Variants in PYGO1 observed in about 807,000 individuals in gnomAD.
PYGO1 encodes pygopus homolog 1.
A neutral mutation model predicts 29.5 loss-of-function variants in PYGO1; 6 were observed. The ratio of observed to expected loss-of-function variants is 0.20; its 90% CI spans 0.11 to 0.40. The LOEUF (loss-of-function observed/expected upper bound fraction) is 0.40. Ranked by LOEUF, PYGO1 falls within the 10% of genes least tolerant of loss-of-function variation. The pLI, the probability that PYGO1 is intolerant of heterozygous loss-of-function variation, is 1.00. For missense variants in PYGO1, 515 were observed against 514.9 expected (o/e 1.00, Z 0.00); for synonymous variants, 186 against 180.5 (o/e 1.03, Z -0.24).
Position 55,555,803 on chromosome 15 carries a change from C to T in PYGO1, c.50-6808G>A, listed in dbSNP as rs182654890. 2.3e-3 allele frequency among the ~76,000 whole-genome samples: 346 copies of T among 152,030 alleles called. 1 individual carries two copies. Among genetic ancestry groups the T allele is most frequent in the African/African-American group, 8.1e-3 (335 of 41,466 alleles). On this transcript the variant is annotated intron_variant, in intron 1 of 2. Transcript: ENST00000563719. ...AAGACACACCTCACAGGCAAAGACACACATAGGCTCAAAATAAAAGGAGGG... is the reference window on the plus strand; with the variant it reads ...AAGACACACCTCACAGGCAAAGACATACATAGGCTCAAAATAAAAGGAGGG...
At chr15:55,565,593 T>C (rs1335323772) in intron 1 of PYGO1, among the ~76,000 whole-genome samples, 2 of 151,514 alleles carry the variant, frequency 1.3e-5, no homozygotes, top group Non-Finnish European at 2.9e-5. Context: ...CGGGCACCTG[T>C]AGTCCCAGCT....
chr15:55,552,641 C>A (rs894973496), intron 1 of PYGO1, among the ~76,000 whole-genome samples: 2 of 152,038 alleles, frequency 1.3e-5, no homozygotes, highest in African/African-American at 4.8e-5. Flanking sequence ...ACACTTCTCC[C>A]ACAGATCTTT....
In PYGO1 at chr15:55,539,490, T is replaced by G. The variant is rs2058820201; in HGVS notation, c.*6533A>C. 2 of 152,104 alleles carry G rather than the reference T, an allele frequency of 1.3e-5. No individual in the cohort carries two copies. Among genetic ancestry groups the G allele is most frequent in the Non-Finnish European group, 2.9e-5 (2 of 67,958 alleles). 9.4% of individuals were successfully genotyped at this position (152,104 alleles called of 1,614,324 possible). A position where few individuals can be genotyped will look rare whatever the true frequency, so the allele number is the denominator to read the frequency against. ...CTAGTCATTTCATACTTTATTTAAA[T>G]TTTTCCACAAAGCAGTTCATGAATT... On this transcript the variant is annotated 3_prime_UTR_variant, in exon 3 of 3. Transcript: ENST00000563719.
chr15:55,542,610 T>C lies in PYGO1; in HGVS notation c.*3413A>G, dbSNP rs1459987689. The C allele has an allele frequency of 6.6e-6, 1 of 152,118 alleles. No individual in the cohort carries two copies. Among genetic ancestry groups the C allele is most frequent in the Non-Finnish European group, 1.5e-5 (1 of 68,018 alleles). The allele number at this position is 152,118 out of a possible 1,614,324, so 9.4% of individuals were successfully genotyped here. A position where few individuals can be genotyped will look rare whatever the true frequency, so the allele number is the denominator to read the frequency against. On this transcript the variant is annotated 3_prime_UTR_variant, in exon 3 of 3. Coordinates refer to ENST00000563719, the MANE Select transcript of PYGO1 (RefSeq NM_001367806.1). Reference sequence around the variant, plus strand: ...TCTCTAGTGCATGAGCAAGTCAAGTTCTGAGAAAGGAACTGATGCTTTTTA... The same window carrying C: ...TCTCTAGTGCATGAGCAAGTCAAGTCCTGAGAAAGGAACTGATGCTTTTTA...
At chr15:55,550,255 A>G (rs1420284010) in intron 1 of PYGO1, among the ~76,000 whole-genome samples, 3 of 152,174 alleles carry the variant, frequency 2.0e-5, no homozygotes, top group Admixed American at 2.0e-4. Flanking sequence ...TTATTAAGCT[A>G]CCATCTTTTA....
At chr15:55,563,248 A>AAAG (rs1162534502) in intron 1 of PYGO1, among the ~76,000 whole-genome samples, 1 of 152,160 alleles carries the variant, frequency 6.6e-6, no homozygotes, top group African/African-American at 2.4e-5. Flanking sequence ...CTTACAACTC[A>AAAG]AAGAAAACAA....
At position 55,585,265 on chromosome 15, in the gene PYGO1, T is replaced by C. The variant is rs114820742; in HGVS notation, c.49+2570A>G. Reference sequence around the variant, plus strand: ...TAAGCAAGGTATTTGGTGACTCTTTTAATACATATAAAATAAATACACAAC... The same window carrying C: ...TAAGCAAGGTATTTGGTGACTCTTTCAATACATATAAAATAAATACACAAC... On this transcript the variant is annotated intron_variant, in intron 1 of 2. Transcript: ENST00000563719. Among the ~76,000 whole-genome samples, 197 of 152,332 alleles carry C rather than the reference T, an allele frequency of 1.3e-3. 1 individual carries two copies. The highest frequency in any genetic ancestry group is 4.6e-3 in the African/African-American group (190 of 41,560).
intron 1 of PYGO1, among the ~76,000 whole-genome samples, chr15:55,555,556 G>C (rs902787225): frequency 2.0e-5 from 3 of 148,674 alleles, no homozygotes; most frequent in Non-Finnish European, 4.5e-5. Context: ...ATAGCATTAG[G>C]AGATATACCT....
chr15:55,552,688 T>A (rs1345551587), intron 1 of PYGO1, among the ~76,000 whole-genome samples: 1 of 152,136 alleles, frequency 6.6e-6, no homozygotes, highest in Non-Finnish European at 1.5e-5. Context: ...CGTGAGCCCA[T>A]GCCACCAGGG....
Position 55,546,212 on chromosome 15 carries a change from G to A in PYGO1, c.1071C>T (p.Ile357=). Residue 357 remains isoleucine, a synonymous_variant, in exon 3 of 3, where the codon ATC becomes ATT. Coordinates refer to ENST00000563719, the MANE Select transcript of PYGO1 (RefSeq NM_001367806.1). ...TNEVNDDQDA[I]LCEASCQKWF... ...ATTTCTGACAAGAGGCCTCACATAA[G>A]ATGGCATCCTGATCATCGTTCACCT... 1.2e-6 allele frequency: 2 copies of A among 1,614,198 alleles called. No homozygotes were observed. The highest frequency in any genetic ancestry group is 1.7e-6 in the Non-Finnish European group (2 of 1,180,030).
chr15:55,574,532 T>A (rs1257991843), intron 1 of PYGO1, among the ~76,000 whole-genome samples: 1 of 152,230 alleles, frequency 6.6e-6, no homozygotes, highest in Non-Finnish European at 1.5e-5. Flanking sequence ...CTTAACTTTT[T>A]CTTAATTTGT....
At chr15:55,560,909 T>C (rs570966918) in intron 1 of PYGO1, among the ~76,000 whole-genome samples, 74 of 152,136 alleles carry the variant, frequency 4.9e-4, no homozygotes, top group African/African-American at 1.7e-3. Context: ...GCCGAGATCA[T>C]GCCACTGCAC....
In PYGO1 at chr15:55,543,441, G is replaced by C. The variant is rs1370133741; in HGVS notation, c.*2582C>G. The C allele has an allele frequency of 6.6e-6, 1 of 152,158 alleles. No homozygotes were observed. The highest frequency in any genetic ancestry group is 2.4e-5 in the African/African-American group (1 of 41,446). 9.4% of individuals were successfully genotyped at this position (152,158 alleles called of 1,614,324 possible). ...GATTCACTATCAGAATGAACCGTGAGTTTTTCTTTTGAATATTTACAGATT... is the reference window on the plus strand; with the variant it reads ...GATTCACTATCAGAATGAACCGTGACTTTTTCTTTTGAATATTTACAGATT... On this transcript the variant is annotated 3_prime_UTR_variant, in exon 3 of 3. Coordinates refer to ENST00000563719, the MANE Select transcript of PYGO1 (RefSeq NM_001367806.1).
Position 55,543,266 on chromosome 15 carries a change from T to C in PYGO1, c.*2757A>G, listed in dbSNP as rs1361046265. Reference sequence around the variant, plus strand: ...AGCCTTCTTCAGACAAATTATCATCTGGCTATTCTTACAGTTCATCACTTA... The same window carrying C: ...AGCCTTCTTCAGACAAATTATCATCCGGCTATTCTTACAGTTCATCACTTA... On this transcript the variant is annotated 3_prime_UTR_variant, in exon 3 of 3. Coordinates refer to ENST00000563719, the MANE Select transcript of PYGO1 (RefSeq NM_001367806.1). 2 of 152,248 alleles carry C rather than the reference T, an allele frequency of 1.3e-5. No homozygotes were observed. Among genetic ancestry groups the C allele is most frequent in the Non-Finnish European group, 2.9e-5 (2 of 68,038 alleles). The allele number at this position is 152,248 out of a possible 1,614,324, so 9.4% of individuals were successfully genotyped here. A position where few individuals can be genotyped will look rare whatever the true frequency, so the allele number is the denominator to read the frequency against.
chr15:55,545,961 C>T lies in PYGO1; in HGVS notation c.*62G>A. On this transcript the variant is annotated 3_prime_UTR_variant, in exon 3 of 3. Coordinates refer to ENST00000563719, the MANE Select transcript of PYGO1 (RefSeq NM_001367806.1). ...AAAAAATAATGTAAAACATTAAAAT[C>T]CTGTGTCAATGAACTTCTGCAATGC... 1 of 1,441,934 alleles carries T rather than the reference C, an allele frequency of 6.9e-7. No individual in the cohort carries two copies. The highest frequency in any genetic ancestry group is 9.3e-7 in the Non-Finnish European group (1 of 1,069,648). 89.3% of individuals were successfully genotyped at this position (1,441,934 alleles called of 1,614,324 possible).
At chr15:55,566,977 CTACCT>C (rs2058959434) in intron 1 of PYGO1, among the ~76,000 whole-genome samples, 1 of 152,140 alleles carries the variant, frequency 6.6e-6, no homozygotes, top group Non-Finnish European at 1.5e-5. Context: ...AGCAATCCAC[CTACCT>C]CAGCCTCCCA....
chr15:55,587,552 G>A (rs941332226), intron 1 of PYGO1, among the ~76,000 whole-genome samples: 1 of 151,996 alleles, frequency 6.6e-6, no homozygotes, highest in Non-Finnish European at 1.5e-5. Flanking sequence ...TCTTGAGAAC[G>A]AGGAGAGGTG....
rs2058838885 is a variant in PYGO1 at position 55,543,988 on chromosome 15, C to T, written c.*2035G>A. ...ATCAAATGCCTGTCAGCCCAAAATA[C>T]TGCATTTTAACCTGCTTCAACTGGT... On this transcript the variant is annotated 3_prime_UTR_variant, in exon 3 of 3. Transcript: ENST00000563719. 1 of 152,138 alleles carries T rather than the reference C, an allele frequency of 6.6e-6. No homozygotes were observed. The highest frequency in any genetic ancestry group is 2.1e-4 in the South Asian group (1 of 4,830). 9.4% of individuals were successfully genotyped at this position (152,138 alleles called of 1,614,324 possible).
intron 1 of PYGO1, among the ~76,000 whole-genome samples, chr15:55,584,988 T>C (rs1458431246): frequency 6.6e-6 from 1 of 152,168 alleles, no homozygotes; most frequent in African/African-American, 2.4e-5. Context: ...ACTCTGTGGA[T>C]CCCAGAAGTC....
Sources: gnomAD v4.1 joint callset for allele counts (sites outside exome capture counted in the v4.1 genomes callset) on GRCh38, gnomAD v4.1.1 for gene constraint, MANE v1.5 for transcripts, NCBI Gene and HGNC (gene_info 2026-07-23, HGNC 2026-07-21) for gene names.